The following LEKR1 variants were observed in gnomAD, a reference collection of about 807,000 sequenced individuals.
LEKR1 encodes the protein leucine, glutamate and lysine rich 1.
LEKR1 carries 59 observed loss-of-function variants against 72.4 expected under a neutral mutation model. The observed-to-expected ratio is 0.82, with a 90% CI of 0.66 to 1.01. The LOEUF (loss-of-function observed/expected upper bound fraction) is 1.01. Ranked by LOEUF, LEKR1 falls within the 50% of genes least tolerant of loss-of-function variation. The pLI is 0.00. For missense variants in LEKR1, 728 were observed against 759.2 expected, an observed-to-expected ratio of 0.96 and a Z score of 0.48; for synonymous variants, 257 against 263.2, an observed-to-expected ratio of 0.98 and a Z score of 0.23.
intron 10 of LEKR1, among the ~76,000 whole-genome samples, chr3:157,016,683 G>A (rs1733369006): frequency 6.6e-6 from 1 of 152,036 alleles, no homozygotes; most frequent in South Asian, 2.1e-4. Context: ...GTAAAGATAT[G>A]GGGTGTTTTT....
At chr3:157,040,280 C>T (rs1041867813) in intron 12 of LEKR1, among the ~76,000 whole-genome samples, 6 of 152,174 alleles carry the variant, frequency 3.9e-5, no homozygotes, top group Non-Finnish European at 7.4e-5. Context: ...TCATCATGGG[C>T]TCTTCCTCTC....
At chr3:156,892,323 G>A (rs558848096) in intron 3 of LEKR1, among the ~76,000 whole-genome samples, 4 of 152,146 alleles carry the variant, frequency 2.6e-5, no homozygotes, top group Non-Finnish European at 5.9e-5. Flanking sequence ...TCAATGGGAG[G>A]ACAGATTGAT....
intron 10 of LEKR1, among the ~76,000 whole-genome samples, chr3:157,016,188 G>A (rs1165060013): frequency 1.3e-5 from 2 of 151,970 alleles, no homozygotes; most frequent in Non-Finnish European, 2.9e-5. Flanking sequence ...ATGACGGAAA[G>A]TTTTACAAAT....
At chr3:156,947,528 C>T (rs1726791050) in intron 6 of LEKR1, among the ~76,000 whole-genome samples, 1 of 151,106 alleles carries the variant, frequency 6.6e-6, no homozygotes, top group African/African-American at 2.4e-5. Flanking sequence ...GATGATCCCA[C>T]CTTACCATGA....
chr3:157,004,643 T>G (rs1464616675), intron 9 of LEKR1, among the ~76,000 whole-genome samples: 1 of 152,118 alleles, frequency 6.6e-6, no homozygotes, highest in Admixed American at 6.5e-5. Context: ...CTGGTCACAG[T>G]GTAATTAACG....
intron 2 of LEKR1, among the ~76,000 whole-genome samples, chr3:156,835,880 T>G (rs1439812669): frequency 2.3e-5 from 3 of 131,610 alleles, no homozygotes; most frequent in Non-Finnish European, 3.3e-5. Context: ...TTTTTTTTTT[T>G]TTTTTTTTTT....
At chr3:156,841,527 G>C (rs147310071) in intron 2 of LEKR1, among the ~76,000 whole-genome samples, 29 of 152,270 alleles carry the variant, frequency 1.9e-4, no homozygotes, top group Middle Eastern at 3.4e-3. Flanking sequence ...AGCTGCCTAA[G>C]GTCCTAGACA....
chr3:156,992,281 C>G (rs1252771273), intron 7 of LEKR1, among the ~76,000 whole-genome samples: 5 of 152,146 alleles, frequency 3.3e-5, no homozygotes, highest in Non-Finnish European at 7.3e-5. Flanking sequence ...TGGGGGCTGC[C>G]CTCAGGCTTA....
At chr3:156,827,018 A>G (rs1036791510) in intron 1 of LEKR1, 3 of 154,192 alleles carry the variant, frequency 1.9e-5, no homozygotes, top group Non-Finnish European at 4.4e-5. Flanking sequence ...AGCTGCAGCC[A>G]CTTATCACTG....
At chr3:156,835,275 A>G (rs1160141866) in intron 2 of LEKR1, among the ~76,000 whole-genome samples, 1 of 152,256 alleles carries the variant, frequency 6.6e-6, no homozygotes, top group Non-Finnish European at 1.5e-5. Context: ...AGTTTCTAAT[A>G]TACACAGGCA....
chr3:156,901,593 G>T (rs1040008990), intron 3 of LEKR1, among the ~76,000 whole-genome samples: 1 of 152,156 alleles, frequency 6.6e-6, no homozygotes, highest in Admixed American at 6.5e-5. Context: ...TAATCCAGAG[G>T]TGTTGCATAT....
intron 4 of LEKR1, among the ~76,000 whole-genome samples, chr3:156,926,153 C>T (rs1440568545): frequency 5.9e-5 from 9 of 152,080 alleles, no homozygotes; most frequent in Non-Finnish European, 1.5e-5. Context: ...TAAGTTTTCA[C>T]TGATTTCACA....
chr3:156,980,532 T>C (rs1254324933), intron 7 of LEKR1, among the ~76,000 whole-genome samples: 4 of 151,198 alleles, frequency 2.6e-5, no homozygotes, highest in Non-Finnish European at 4.4e-5. Flanking sequence ...GGGAGATTGT[T>C]TTAAATCATG....
intron 6 of LEKR1, among the ~76,000 whole-genome samples, chr3:156,966,080 C>A (rs1263804733): frequency 1.3e-5 from 2 of 151,730 alleles, no homozygotes; most frequent in Admixed American, 1.3e-4. Context: ...ACTAATGTAA[C>A]TAAATAAATA....
chr3:157,014,328 CA>C (rs1317092814), intron 10 of LEKR1, among the ~76,000 whole-genome samples: 1 of 151,820 alleles, frequency 6.6e-6, no homozygotes, highest in Non-Finnish European at 1.5e-5. Context: ...TTTGAGAAAC[CA>C]GTAGTTAAAC....
At chr3:156,972,489 A>G (rs1201719285) in intron 6 of LEKR1, among the ~76,000 whole-genome samples, 1 of 152,164 alleles carries the variant, frequency 6.6e-6, no homozygotes, top group Non-Finnish European at 1.5e-5. Context: ...AACTTAAAGT[A>G]TAATAAAAAT....
At chr3:156,884,755 C>T (rs1468010477) in intron 3 of LEKR1, among the ~76,000 whole-genome samples, 1 of 152,094 alleles carries the variant, frequency 6.6e-6, no homozygotes, top group African/African-American at 2.4e-5. Context: ...GAATATGTGC[C>T]TAGGCGATGA....
intron 12 of LEKR1, among the ~76,000 whole-genome samples, chr3:157,035,579 C>A (rs1734912124): frequency 6.6e-6 from 1 of 152,012 alleles, no homozygotes; most frequent in African/African-American, 2.4e-5. Flanking sequence ...TTGGAAGAGC[C>A]CCTTCTGGAG....
chr3:156,859,760 C>T (rs565847436), intron 3 of LEKR1, among the ~76,000 whole-genome samples: 21 of 151,398 alleles, frequency 1.4e-4, no homozygotes, highest in African/African-American at 4.6e-4. Flanking sequence ...CCTAAAAATA[C>T]TCTGTGTTCT....
Sources: gnomAD v4.1 joint callset for allele counts (sites outside exome capture counted in the v4.1 genomes callset) on GRCh38, gnomAD v4.1.1 for gene constraint, MANE v1.5 for transcripts, NCBI Gene and HGNC (gene_info 2026-07-23, HGNC 2026-07-21) for gene names.